Variants in STXBP5L observed in about 807,000 individuals in gnomAD.
The protein encoded by STXBP5L is syntaxin binding protein 5L.
Under a neutral mutation model 144.5 loss-of-function variants are expected in STXBP5L, and 65 were observed. The observed-to-expected ratio is 0.45, with a 90% CI of 0.37 to 0.55. STXBP5L has a LOEUF of 0.55. Among genes scored for constraint, STXBP5L ranks in the 20% least tolerant of loss-of-function variants. The pLI is 0.00. For synonymous variants in STXBP5L, 505 were observed against 469.6 expected (o/e 1.08, Z -0.97); for missense variants, 1,298 against 1,405.5 (o/e 0.92, Z 1.22).
rs779704426 is a variant in STXBP5L at position 121,045,405 on chromosome 3, C to A, written c.370-30C>A. The A allele has an allele frequency of 8.9e-6, 14 of 1,567,074 alleles. No individual in the cohort carries two copies. In the South Asian group the frequency reaches 1.4e-4, roughly 16 times the overall value. Reference sequence around the variant, plus strand: ...AAAAAACCCTAAATTAAGTAAATCACACACTTACTTTATCTTCTTTTTGTT... The same window carrying A: ...AAAAAACCCTAAATTAAGTAAATCAAACACTTACTTTATCTTCTTTTTGTT... On this transcript the variant is annotated intron_variant, in intron 4 of 26. Coordinates refer to ENST00000471454, the MANE Select transcript of STXBP5L (RefSeq NM_001308330.2).
At chr3:121,001,187 G>T (rs1432973405) in intron 3 of STXBP5L, among the ~76,000 whole-genome samples, 2 of 152,186 alleles carry the variant, frequency 1.3e-5, no homozygotes, top group Admixed American at 1.3e-4. Context: ...CCATTGGGGA[G>T]GCTGCAGGTG....
At chr3:121,407,666 A>G (rs1022461172) in intron 23 of STXBP5L, 63 bp downstream of exon 23, 1 of 1,597,400 alleles carries the variant, frequency 6.3e-7, no homozygotes, top group South Asian at 1.1e-5. Flanking sequence ...CAATCCTAAA[A>G]AATATATGTG....
chr3:121,027,772 T>C (rs1017962464), intron 3 of STXBP5L, among the ~76,000 whole-genome samples: 3 of 152,128 alleles, frequency 2.0e-5, no homozygotes, highest in African/African-American at 7.2e-5. Context: ...TAATTTCACC[T>C]TGTCATGTAA....
intron 19 of STXBP5L, among the ~76,000 whole-genome samples, chr3:121,308,571 G>T (rs912901727): frequency 6.6e-6 from 1 of 151,992 alleles, no homozygotes; most frequent in Non-Finnish European, 1.5e-5. Context: ...TGTTATTTGG[G>T]GATCTATAAC....
chr3:121,014,370 AG>A (rs1944993043), intron 3 of STXBP5L, among the ~76,000 whole-genome samples: 1 of 151,954 alleles, frequency 6.6e-6, no homozygotes, highest in African/African-American at 2.4e-5. Flanking sequence ...ACCACATAGC[AG>A]GGTTGTCTTT....
rs112219689 is a variant in STXBP5L at position 120,956,777 on chromosome 3, T to C, written c.287+1740T>C. 2.5e-3 allele frequency among the ~76,000 whole-genome samples: 379 copies of C among 152,046 alleles called. 2 individuals are homozygous for C. The highest frequency in any genetic ancestry group is 8.6e-3 in the African/African-American group (356 of 41,562). ...CTGTTTCTCATAGCAGCTATACTGG[T>C]TTACATTTTCACCAATAGTAATTGC... On this transcript the variant is annotated intron_variant, in intron 3 of 26. Transcript: ENST00000471454.
intron 7 of STXBP5L, 42 bp from the exon 8 acceptor site, chr3:121,152,435 T>C (rs770685088): frequency 7.2e-7 from 1 of 1,393,434 alleles, no homozygotes; most frequent in South Asian, 1.2e-5. Flanking sequence ...AAGTTAAAAT[T>C]AATGTTAGAA....
At chr3:121,126,488 T>C (rs2044709370) in intron 7 of STXBP5L, among the ~76,000 whole-genome samples, 1 of 152,156 alleles carries the variant, frequency 6.6e-6, no homozygotes, top group African/African-American at 2.4e-5. Context: ...AATTAAACTC[T>C]TCCATGCAGT....
intron 9 of STXBP5L, among the ~76,000 whole-genome samples, chr3:121,181,862 C>T (rs1559833052): frequency 2.0e-5 from 3 of 151,394 alleles, no homozygotes; most frequent in Non-Finnish European, 2.9e-5. Context: ...GGTGGAAAAA[C>T]ATATTCCATG....
At chr3:120,997,948 G>A (rs1044910516) in intron 3 of STXBP5L, among the ~76,000 whole-genome samples, 9 of 152,078 alleles carry the variant, frequency 5.9e-5, no homozygotes, top group Non-Finnish European at 8.8e-5. Context: ...CAATAATTTT[G>A]ATTCATCACA....
chr3:120,968,198 T>C (rs1939820487), intron 3 of STXBP5L, among the ~76,000 whole-genome samples: 1 of 152,114 alleles, frequency 6.6e-6, no homozygotes. Flanking sequence ...GAACATGGAG[T>C]GCTGTGGTTT....
chr3:120,914,977 A>G (rs1709034503), intron 2 of STXBP5L, among the ~76,000 whole-genome samples: 1 of 152,028 alleles, frequency 6.6e-6, no homozygotes, highest in Non-Finnish European at 1.5e-5. Context: ...GCTTGAGTAA[A>G]GGATTATAGA....
intron 19 of STXBP5L, among the ~76,000 whole-genome samples, chr3:121,315,963 A>C (rs2043771778): frequency 6.6e-6 from 1 of 151,076 alleles, no homozygotes; most frequent in Non-Finnish European, 1.5e-5. Flanking sequence ...AGATTGCACC[A>C]ATTCATTCCA....
chr3:121,187,474 GGT>G (rs887795872), intron 9 of STXBP5L, among the ~76,000 whole-genome samples: 1 of 150,936 alleles, frequency 6.6e-6, no homozygotes, highest in African/African-American at 2.4e-5. Flanking sequence ...AGAGTTAATG[GGT>G]GCAGCATACC....
intron 5 of STXBP5L, among the ~76,000 whole-genome samples, chr3:121,055,201 G>C (rs1349895989): frequency 6.6e-6 from 1 of 152,096 alleles, no homozygotes; most frequent in African/African-American, 2.4e-5. Flanking sequence ...TATTCATTAT[G>C]ATCATAACTT....
chr3:121,401,304 A>C (rs557040812), intron 22 of STXBP5L, among the ~76,000 whole-genome samples: 14 of 152,204 alleles, frequency 9.2e-5, no homozygotes, highest in African/African-American at 3.4e-4. Flanking sequence ...CCTACCTACT[A>C]TTGCAACTAG....
intron 5 of STXBP5L, among the ~76,000 whole-genome samples, chr3:121,059,676 G>A (rs1489991880): frequency 6.6e-6 from 1 of 152,066 alleles, no homozygotes; most frequent in Non-Finnish European, 1.5e-5. Flanking sequence ...AGCTCTCCTC[G>A]AAGAGGTCCT....
chr3:121,055,585 A>G (rs1317902373), intron 5 of STXBP5L, among the ~76,000 whole-genome samples: 1 of 151,982 alleles, frequency 6.6e-6, no homozygotes, highest in Non-Finnish European at 1.5e-5. Flanking sequence ...ATCCTAGCTC[A>G]CTGCAGCCTC....
At chr3:121,128,033 C>A (rs1278987029) in intron 7 of STXBP5L, among the ~76,000 whole-genome samples, 2 of 152,010 alleles carry the variant, frequency 1.3e-5, no homozygotes. Context: ...ATAAATCTTC[C>A]TCAAGGAATA....
Sources: allele counts gnomAD v4.1 joint callset (sites outside exome capture counted in the v4.1 genomes callset), GRCh38; gene constraint gnomAD v4.1.1; transcripts MANE v1.5; gene names NCBI Gene and HGNC (gene_info 2026-07-23, HGNC 2026-07-21).